BEND4: variants seen among roughly 807,000 people sequenced by gnomAD.
The protein encoded by BEND4 is BEN domain-containing protein 4.
Under a neutral mutation model 54.7 loss-of-function variants are expected in BEND4, and 27 were observed. That is an observed-to-expected ratio of 0.49 (90% CI 0.36 to 0.68). The LOEUF is 0.68. BEND4 is among the 30% of genes least tolerant of loss of function. The probability of loss-of-function intolerance (pLI) is 0.00; values close to 1 mark genes in which losing one functional copy is unlikely to be tolerated. For missense variants in BEND4, 702 were observed against 697.2 expected (o/e 1.01, Z -0.08); for synonymous variants, 327 against 299.5 (o/e 1.09, Z -0.95).
At chr4:42,125,374 T>C (rs954071614) in intron 4 of BEND4, among the ~76,000 whole-genome samples, 3 of 152,246 alleles carry the variant, frequency 2.0e-5, no homozygotes, top group Admixed American at 6.5e-5. Flanking sequence ...TAGCTCTGTC[T>C]TTCCCCACTT....
chr4:42,138,400 CA>C (rs1178545464), intron 3 of BEND4, among the ~76,000 whole-genome samples: 1 of 152,032 alleles, frequency 6.6e-6, no homozygotes, highest in Admixed American at 6.5e-5. Context: ...AGCTAGAGAA[CA>C]AAATAGTAGC....
intron 3 of BEND4, among the ~76,000 whole-genome samples, chr4:42,128,361 C>T (rs923117245): frequency 1.3e-5 from 2 of 152,214 alleles, no homozygotes; most frequent in South Asian, 2.1e-4. Flanking sequence ...CAGTGGCTCA[C>T]GCCTGTTATC....
intron 3 of BEND4, among the ~76,000 whole-genome samples, chr4:42,132,877 T>C (rs1720558585): frequency 1.3e-5 from 2 of 152,148 alleles, no homozygotes; most frequent in East Asian, 1.9e-4. Flanking sequence ...AATGAGAAAA[T>C]ACATGAGGAA....
chr4:42,131,611 A>T (rs539870598), intron 3 of BEND4, among the ~76,000 whole-genome samples: 1 of 152,256 alleles, frequency 6.6e-6, no homozygotes, highest in Non-Finnish European at 1.5e-5. Flanking sequence ...ACATTTAGGC[A>T]GCAGTGCTAA....
chr4:42,122,338 G>A (rs779008402), intron 4 of BEND4, among the ~76,000 whole-genome samples: 40 of 152,082 alleles, frequency 2.6e-4, no homozygotes, highest in Middle Eastern at 3.2e-3. Context: ...GAGACCAGCC[G>A]TCTCCCACCA....
intron 3 of BEND4, among the ~76,000 whole-genome samples, chr4:42,132,294 C>A (rs934625975): frequency 2.6e-5 from 4 of 152,178 alleles, no homozygotes; most frequent in Admixed American, 1.3e-4. Flanking sequence ...CAGGCCACCA[C>A]ACCACTCCCT....
Position 42,152,198 on chromosome 4 carries a change from G to C in BEND4, c.-55C>G. On this transcript the variant is annotated 5_prime_UTR_variant, in exon 2 of 6. Transcript: ENST00000502486. ...ACGTCCCCTCCCCGCCGGGCGCCGG[G>C]CTCCGAGGGTGCCTCCGCCGCCTGC... The C allele has an allele frequency of 3.2e-6, 4 of 1,233,228 alleles. No homozygotes were observed. In the South Asian group the frequency reaches 1.6e-4, roughly 51 times the overall value. 76.4% of individuals were successfully genotyped at this position (1,233,228 alleles called of 1,614,324 possible). A position where few individuals can be genotyped will look rare whatever the true frequency, so the allele number is the denominator to read the frequency against.
Position 42,151,949 on chromosome 4 carries a change from G to T in BEND4, c.195C>A (p.His65Gln). ...CGCTGCTGCTGATGGAGACGGCGGC[G>T]TGCGGCGCGAAGGGCGGCGGGGGCG... ...PPPPPPPFAP[H>Q]AAVSISSSEP... Residue 65 changes from histidine (H) to glutamine (Q), a missense_variant, in exon 2 of 6, where the codon CAC becomes CAA. By Grantham distance (24) the His-to-Gln change is conservative. Transcript: ENST00000502486. The T allele has an allele frequency of 8.0e-7, 1 of 1,248,692 alleles. No individual in the cohort carries two copies. The highest frequency in any genetic ancestry group is 1.0e-6 in the Non-Finnish European group (1 of 993,848). 77.4% of individuals were successfully genotyped at this position (1,248,692 alleles called of 1,614,324 possible).
chr4:42,135,902 CAGG>C (rs1008751280), intron 3 of BEND4, among the ~76,000 whole-genome samples: 2 of 152,290 alleles, frequency 1.3e-5, no homozygotes, highest in Non-Finnish European at 2.9e-5. Flanking sequence ...TACCAAGTAG[CAGG>C]AGAAGAGATT....
chr4:42,123,694 G>GGAAA (rs1553921967), intron 4 of BEND4, among the ~76,000 whole-genome samples: 4 of 50,792 alleles, frequency 7.9e-5, no homozygotes, highest in African/African-American at 3.0e-4. Context: ...CTGTAATTCA[G>GGAAA]AAAAAAAAAA....
At chr4:42,133,875 A>G (rs1253463754) in intron 3 of BEND4, among the ~76,000 whole-genome samples, 1 of 152,146 alleles carries the variant, frequency 6.6e-6, no homozygotes, top group Non-Finnish European at 1.5e-5. Context: ...AAACAAACAA[A>G]CTGGGAAAAT....
intron 2 of BEND4, chr4:42,151,241 AG>A: frequency 6.2e-6 from 1 of 160,118 alleles, no homozygotes; most frequent in Non-Finnish European, 1.4e-5. Flanking sequence ...AGGAAGAAGG[AG>A]AAAGGGAAAA....
rs770707100 is a variant in BEND4 at position 42,125,653 on chromosome 4, T to C, written c.1076A>G (p.Asp359Gly). The stretch of plus-strand genomic sequence containing the variant: ...GTGCTGCAGAACCATCTTCAAGTAA[T>C]CTAAAACGGTCTGGCAGGGCACTGG... Reference protein sequence around the residue: ...SIPVPCQTVLDYLKMVLQHHN... With the variant: ...SIPVPCQTVLGYLKMVLQHHN... The change falls in exon 4 of 6, where the codon GAT (aspartate) becomes GGT (glycine). Residue 359 changes from aspartate to glycine, a missense_variant. Physicochemically the swap from Asp to Gly is moderately conservative, Grantham distance 94 (BLOSUM62 -1). Coordinates refer to ENST00000502486, the MANE Select transcript of BEND4 (RefSeq NM_207406.4). 1.9e-6 allele frequency: 3 copies of C among 1,612,104 alleles called. No individual in the cohort carries two copies. The South Asian group carries it at 3.3e-5, about 18-fold the overall frequency.
intron 3 of BEND4, among the ~76,000 whole-genome samples, chr4:42,130,094 TG>T (rs1166914657): frequency 4.6e-5 from 7 of 152,112 alleles, no homozygotes; most frequent in African/African-American, 1.7e-4. Context: ...GCAAAGGACA[TG>T]AACAGACACT....
At chr4:42,148,283 C>T (rs1178198615) in intron 2 of BEND4, among the ~76,000 whole-genome samples, 4 of 151,976 alleles carry the variant, frequency 2.6e-5, no homozygotes, top group Non-Finnish European at 4.4e-5. Flanking sequence ...TTCATAATGG[C>T]AAACATCAAC....
rs187260695 is a variant in BEND4 at position 42,128,849 on chromosome 4, C to T, written c.1055-3175G>A. On this transcript the variant is annotated intron_variant, in intron 3 of 5. Transcript: ENST00000502486. ...TACTCGGGAGGCTGAGACAGGAAAA[C>T]GGCGTGAACTCGGGAGGCGGAGCTT... Among the ~76,000 whole-genome samples the T allele has an allele frequency of 3.4e-3, 508 of 147,794 alleles. 1 individual carries two copies. The highest frequency in any genetic ancestry group is 7.7e-3 in the Middle Eastern group (2 of 260).
intron 5 of BEND4, among the ~76,000 whole-genome samples, chr4:42,118,369 C>A (rs1056628643): frequency 1.2e-4 from 19 of 152,170 alleles, no homozygotes; most frequent in Non-Finnish European, 2.5e-4. Context: ...AATTAACATG[C>A]CCAGAAGAGT....
intron 2 of BEND4, among the ~76,000 whole-genome samples, chr4:42,147,661 T>C (rs1250688463): frequency 6.6e-6 from 1 of 152,060 alleles, no homozygotes. Context: ...TCTCTCTAAT[T>C]TATTTTGCTT....
In BEND4 at chr4:42,152,132, C is replaced by A; in HGVS notation, c.12G>T (p.Glu4Asp). 8.0e-7 allele frequency: 1 copy of A among 1,245,112 alleles called. No individual in the cohort carries two copies. The highest frequency in any genetic ancestry group is 3.2e-5 in the East Asian group (1 of 31,464). The allele number at this position is 1,245,112 out of a possible 1,614,324, so 77.1% of individuals were successfully genotyped here. MEE[E>D]MQPAEEGPSV... ...TGGGCCCCTCCTCTGCCGGCTGCATCTCTTCCTCCATCCGGCGCCTCGGGG... is the reference window on the plus strand; with the variant it reads ...TGGGCCCCTCCTCTGCCGGCTGCATATCTTCCTCCATCCGGCGCCTCGGGG... The change falls in exon 2 of 6, where the codon GAG becomes GAT. Residue 4 changes from glutamate to aspartate, a missense_variant. Glu to Asp is a conservative substitution (Grantham distance 45, BLOSUM62 2). Transcript: ENST00000502486.
Sources: gnomAD v4.1 joint callset for allele counts (sites outside exome capture counted in the v4.1 genomes callset) on GRCh38, gnomAD v4.1.1 for gene constraint, MANE v1.5 for transcripts, NCBI Gene and HGNC (gene_info 2026-07-23, HGNC 2026-07-21) for gene names.